Variants in MCF2L2 observed in about 807,000 individuals in gnomAD.
The protein encoded by MCF2L2 is MCF.2 cell line derived transforming sequence-like 2.
A neutral mutation model predicts 150.2 loss-of-function variants in MCF2L2; 102 were observed. That is an observed-to-expected ratio of 0.68 (90% CI 0.58 to 0.80). MCF2L2 has a LOEUF of 0.80. MCF2L2 is among the 30% of genes least tolerant of loss of function. MCF2L2 has a pLI of 0.00. For synonymous variants in MCF2L2, 465 were observed against 491.3 expected (o/e 0.95, Z 0.71); for missense variants, 1,256 against 1,372.8 (o/e 0.91, Z 1.34).
intron 15 of MCF2L2, among the ~76,000 whole-genome samples, chr3:183,252,470 A>G (rs1048249352): frequency 1.3e-5 from 2 of 152,080 alleles, no homozygotes; most frequent in African/African-American, 4.8e-5. Flanking sequence ...CAATTTAAAA[A>G]CTTCCTAAAA....
chr3:183,238,967 A>G (rs543785061), intron 15 of MCF2L2, among the ~76,000 whole-genome samples: 1 of 141,140 alleles, frequency 7.1e-6, no homozygotes, highest in East Asian at 2.3e-4. Flanking sequence ...ACTGCACTCC[A>G]GTCTGGGCAA....
Position 183,224,136 on chromosome 3 carries a change from C to G in MCF2L2, c.2170G>C (p.Ala724Pro). The change falls in exon 19 of 30, where the codon GCA (alanine) becomes CCA (proline). Residue 724 changes from alanine to proline, a missense_variant. By Grantham distance (27) the Ala-to-Pro change is conservative. Transcript: ENST00000328913. Reference sequence around the variant, plus strand: ...CAGTCTTGACACTCTTGCCAGATTGCCCTAGCTCGGGGCAGATTCTTATGG... The same window carrying G: ...CAGTCTTGACACTCTTGCCAGATTGGCCTAGCTCGGGGCAGATTCTTATGG... ...KYHKNLPRAR[A>P]IWQECQDCAY... The G allele has an allele frequency of 6.2e-7, 1 of 1,614,008 alleles. No homozygotes were observed. Among genetic ancestry groups the G allele is most frequent in the Non-Finnish European group, 8.5e-7 (1 of 1,179,924 alleles).
chr3:183,184,164 C>T (rs942467837), intron 27 of MCF2L2, among the ~76,000 whole-genome samples: 1 of 152,202 alleles, frequency 6.6e-6, no homozygotes, highest in African/African-American at 2.4e-5. Flanking sequence ...ACTACAGGCA[C>T]ATGCCACTAT....
intron 15 of MCF2L2, among the ~76,000 whole-genome samples, chr3:183,248,836 A>T (rs1724381327): frequency 6.6e-6 from 1 of 151,982 alleles, no homozygotes; most frequent in Non-Finnish European, 1.5e-5. Flanking sequence ...ACCCTGTCTC[A>T]AAAAAAATGT....
At chr3:183,281,722 G>A (rs1428926197) in intron 14 of MCF2L2, among the ~76,000 whole-genome samples, 1 of 152,088 alleles carries the variant, frequency 6.6e-6, no homozygotes, top group Non-Finnish European at 1.5e-5. Context: ...AGGATGAGGA[G>A]AGGAAGGTTT....
At chr3:183,302,313 C>T (rs564411221) in intron 10 of MCF2L2, among the ~76,000 whole-genome samples, 26 of 152,148 alleles carry the variant, frequency 1.7e-4, no homozygotes, top group Non-Finnish European at 3.2e-4. Context: ...AGTGAATCTT[C>T]GAAGAAATGT....
chr3:183,361,121 A>G (rs900590282), intron 3 of MCF2L2, among the ~76,000 whole-genome samples: 1 of 152,036 alleles, frequency 6.6e-6, no homozygotes, highest in Non-Finnish European at 1.5e-5. Flanking sequence ...AAAAAAGAAA[A>G]AGAAAAGAAA....
intron 3 of MCF2L2, among the ~76,000 whole-genome samples, chr3:183,349,310 C>T (rs1443761560): frequency 6.6e-6 from 1 of 152,180 alleles, no homozygotes; most frequent in East Asian, 1.9e-4. Context: ...TTCTTCTTCT[C>T]CAATATAAGT....
intron 7 of MCF2L2, among the ~76,000 whole-genome samples, chr3:183,316,947 C>A (rs577627728): frequency 6.6e-6 from 1 of 152,200 alleles, no homozygotes; most frequent in African/African-American, 2.4e-5. Context: ...CTCAAGTGAT[C>A]CGCCCACCTC....
chr3:183,354,957 G>A (rs571199741), intron 3 of MCF2L2, among the ~76,000 whole-genome samples: 69 of 152,178 alleles, frequency 4.5e-4, no homozygotes, highest in African/African-American at 1.6e-3. Flanking sequence ...AGAAATAAAT[G>A]TAAGAATTAA....
chr3:183,372,794 C>T (rs769608557), intron 3 of MCF2L2: 1 of 152,148 alleles, frequency 6.6e-6, no homozygotes, highest in African/African-American at 2.4e-5. Flanking sequence ...TTCTCCAATC[C>T]GTTTCTAATA....
intron 3 of MCF2L2, among the ~76,000 whole-genome samples, chr3:183,368,753 A>G (rs374251646): frequency 3.9e-5 from 6 of 152,166 alleles, no homozygotes; most frequent in African/African-American, 1.4e-4. Flanking sequence ...GACAGAGCAA[A>G]CAAACAAAAC....
chr3:183,318,782 T>C (rs1199115703), intron 6 of MCF2L2, among the ~76,000 whole-genome samples: 1 of 148,802 alleles, frequency 6.7e-6, no homozygotes, highest in South Asian at 2.1e-4. Flanking sequence ...TACTGTAGTC[T>C]ATTAAGTGTG....
At chr3:183,413,844 G>T (rs768954380) in intron 1 of MCF2L2, among the ~76,000 whole-genome samples, 1 of 152,174 alleles carries the variant, frequency 6.6e-6, no homozygotes, top group African/African-American at 2.4e-5. Context: ...TAAGTGGATC[G>T]CCATAAAGCT....
chr3:183,402,446 T>C (rs1577127167), intron 1 of MCF2L2, among the ~76,000 whole-genome samples: 3 of 59,240 alleles, frequency 5.1e-5, no homozygotes, highest in East Asian at 3.7e-4. Flanking sequence ...AGAGCGAGAC[T>C]CCATCAAAAA....
At position 183,212,951 on chromosome 3, in the gene MCF2L2, G is replaced by C. The variant is rs1321648206; in HGVS notation, c.2496+3018C>G. On this transcript the variant is annotated intron_variant, in intron 22 of 29. Transcript: ENST00000328913. ...ACCGCCTGTAATATAGGTATTGTGG[G>C]GGGGTGGGGGGGGTGGGGGGGTGGG... Among the ~76,000 whole-genome samples, 4 of 135,290 alleles carry C rather than the reference G, an allele frequency of 3.0e-5. No individual in the cohort carries two copies. In the East Asian group the frequency reaches 1.1e-3, roughly 36 times the overall value. 88.8% of individuals were successfully genotyped at this position (135,290 alleles called of 152,430 possible).
At chr3:183,320,425 A>G (rs1331897963) in intron 6 of MCF2L2, among the ~76,000 whole-genome samples, 2 of 152,162 alleles carry the variant, frequency 1.3e-5, no homozygotes, top group Non-Finnish European at 2.9e-5. Flanking sequence ...GATCTTAGCT[A>G]GATCTTCTGG....
intron 22 of MCF2L2, among the ~76,000 whole-genome samples, chr3:183,210,138 T>C (rs1038877656): frequency 2.0e-5 from 3 of 151,996 alleles, no homozygotes; most frequent in African/African-American, 4.8e-5. Flanking sequence ...AGTTGGGAGC[T>C]TGGCGCCTGC....
chr3:183,354,238 A>G (rs1711630887), intron 3 of MCF2L2, among the ~76,000 whole-genome samples: 1 of 152,204 alleles, frequency 6.6e-6, no homozygotes, highest in Non-Finnish European at 1.5e-5. Context: ...AAGAAATAGA[A>G]TTATTTTTTC....
Sources: gnomAD v4.1 joint callset for allele counts (sites outside exome capture counted in the v4.1 genomes callset) on GRCh38, gnomAD v4.1.1 for gene constraint, MANE v1.5 for transcripts, NCBI Gene and HGNC (gene_info 2026-07-23, HGNC 2026-07-21) for gene names.